The following ARMC5 variants were observed in gnomAD, a reference collection of about 807,000 sequenced individuals.
ARMC5 encodes the protein armadillo repeat containing 5.
Under a neutral mutation model 60.5 loss-of-function variants are expected in ARMC5, and 28 were observed. That is an observed-to-expected ratio of 0.46 (90% CI 0.34 to 0.63). The LOEUF is 0.63. Ranked by LOEUF, ARMC5 falls within the 30% of genes least tolerant of loss-of-function variation. The pLI, the probability that ARMC5 is intolerant of heterozygous loss-of-function variation, is 0.01. For synonymous variants in ARMC5, 680 were observed against 607.3 expected (o/e 1.12, Z -1.76); for missense variants, 1,189 against 1,304.9 (o/e 0.91, Z 1.37).
chr16:31,459,376 G>A (rs567084105), upstream of ARMC5: 1 of 1,536,394 alleles, frequency 6.5e-7, no homozygotes, highest in Non-Finnish European at 8.7e-7. Flanking sequence ...ACAGACTTCC[G>A]GGGTCGAGAA....
Position 31,466,971 on chromosome 16 carries a change from T to C in ARMC5, c.*82T>C, listed in dbSNP as rs2082366959. 1 of 1,403,090 alleles carries C rather than the reference T, an allele frequency of 7.1e-7. No homozygotes were observed. 86.9% of individuals were successfully genotyped at this position (1,403,090 alleles called of 1,614,324 possible). A position where few individuals can be genotyped will look rare whatever the true frequency, so the allele number is the denominator to read the frequency against. Reference sequence around the variant, plus strand: ...CCCTGAGACTGGCAAGGGAGGAGGCTGAGCAGAAGGAGTCATCATGGAGGA... The same window carrying C: ...CCCTGAGACTGGCAAGGGAGGAGGCCGAGCAGAAGGAGTCATCATGGAGGA... On this transcript the variant is annotated 3_prime_UTR_variant, in exon 6 of 6. Coordinates refer to ENST00000268314, the MANE Select transcript of ARMC5 (RefSeq NM_001105247.2). The surrounding 1 kb of genome is among the most constrained non-coding windows in gnomAD (Gnocchi z 8.0).
At position 31,462,911 on chromosome 16, in the gene ARMC5, G is replaced by A; in HGVS notation, c.1364G>A (p.Ser455Asn). ...CGGGCACAGGGTGGAAGCTTCCGGA[G>A]CCTCAGGTGAGTCCCTGCCTCAGGG... The part of the protein sequence containing the change: ...PERAQGGSFR[S>N]LRSWLISEGY... Residue 455 changes from serine (S) to asparagine (N), a missense_variant, in exon 3 of 6, where the codon AGC becomes AAC. Physicochemically the swap from Ser to Asn is conservative, Grantham distance 46 (BLOSUM62 1). This residue lies in a region of ARMC5 where 862 missense variants were observed against 1,071.2 expected (regional missense o/e 0.80). Transcript: ENST00000268314. The surrounding 1 kb of genome is among the most constrained non-coding windows in gnomAD (Gnocchi z 7.2). 6.3e-7 allele frequency: 1 copy of A among 1,586,920 alleles called. No individual in the cohort carries two copies. The highest frequency in any genetic ancestry group is 8.6e-7 in the Non-Finnish European group (1 of 1,166,558).
chr16:31,458,915 A>G (rs555193042), upstream of ARMC5: 2 of 1,535,658 alleles, frequency 1.3e-6, no homozygotes, highest in African/African-American at 2.7e-5. Flanking sequence ...ACCGGGGTCC[A>G]GCTCCGGAAA....
chr16:31,465,352 G>A, intron 4 of ARMC5: 2 of 1,389,738 alleles, frequency 1.4e-6, no homozygotes, highest in Non-Finnish European at 1.9e-6. Context: ...CCCTGTCCGG[G>A]CATAACAGAA....
Position 31,462,616 on chromosome 16 carries a change from C to T in ARMC5, c.1069C>T (p.Arg357Cys), listed in dbSNP as rs374639681. The change falls in exon 3 of 6, where the codon CGT becomes TGT. Residue 357 changes from arginine to cysteine, a missense_variant. Arg to Cys is a radical substitution (Grantham distance 180, BLOSUM62 -3). Around this residue, in one of 2 missense-constraint regions of ARMC5, gnomAD observed 862 missense variants for 1,071.2 expected, o/e 0.80. Transcript: ENST00000268314. The surrounding 1 kb of genome is among the most constrained non-coding windows in gnomAD (Gnocchi z 7.2). ...PLVRAVCLLC[R>C]EAINRARLRD... ...GGTGCGGGCTGTGTGCCTCCTATGTCGTGAGGCCATCAACCGGGCCCGACT... is the reference window on the plus strand; with the variant it reads ...GGTGCGGGCTGTGTGCCTCCTATGTTGTGAGGCCATCAACCGGGCCCGACT... The T allele has an allele frequency of 1.1e-4, 183 of 1,613,518 alleles. No homozygotes were observed. In the South Asian group the frequency reaches 1.6e-3, roughly 14 times the overall value.
At chr16:31,458,578 C>T, upstream of ARMC5, 4 of 1,484,942 alleles carry the variant, frequency 2.7e-6, no homozygotes, top group Non-Finnish European at 3.6e-6. Flanking sequence ...TCCACATTTC[C>T]GGCACTCGCA....
Position 31,459,846 on chromosome 16 carries a change from G to A in ARMC5, c.322G>A (p.Gly108Ser), listed in dbSNP as rs766609669. The A allele has an allele frequency of 4.6e-5, 72 of 1,580,922 alleles. 2 individuals carry two copies. The South Asian group carries it at 7.5e-4, about 17-fold the overall frequency. ...AGCTTCTAGCCCCGCCCCCGCGTCGGGCCCCGCCCCCTCCGCTGTGTCGTC... is the reference window on the plus strand; with the variant it reads ...AGCTTCTAGCCCCGCCCCCGCGTCGAGCCCCGCCCCCTCCGCTGTGTCGTC... The part of the protein sequence containing the change: ...SGASSPAPAS[G>S]PAPSAVSSSS... The change falls in exon 1 of 6, where the codon GGC (glycine) becomes AGC (serine). Residue 108 changes from glycine to serine, a missense_variant. This residue lies in a region of ARMC5 where 327 missense variants were observed against 233.7 expected (regional missense o/e 1.40). Coordinates refer to ENST00000268314, the MANE Select transcript of ARMC5 (RefSeq NM_001105247.2).
At position 31,462,930 on chromosome 16, in the gene ARMC5, C is replaced by T. The variant is rs765221757; in HGVS notation, c.1370+13C>T. 1.9e-6 allele frequency: 3 copies of T among 1,554,464 alleles called. No homozygotes were observed. The highest frequency in any genetic ancestry group is 2.6e-6 in the Non-Finnish European group (3 of 1,150,536). ...TCCGGAGCCTCAGGTGAGTCCCTGC[C>T]TCAGGGCTTGGGAGGGTGAGCAGTG... is the stretch of plus-strand genomic sequence containing the variant. On this transcript the variant is annotated intron_variant, in intron 3 of 5. Transcript: ENST00000268314. The surrounding 1 kb of genome is among the most constrained non-coding windows in gnomAD (Gnocchi z 7.2).
At chr16:31,465,412 C>T (rs1178361300) in intron 4 of ARMC5, 2 of 1,170,282 alleles carry the variant, frequency 1.7e-6, no homozygotes, top group Admixed American at 6.7e-5. Flanking sequence ...CCCTCAGCTC[C>T]TATCTCTGTA....
chr16:31,464,179 A>C lies in ARMC5; in HGVS notation c.1371-215A>C, dbSNP rs968830794. On this transcript the variant is annotated intron_variant, in intron 3 of 5. Coordinates refer to ENST00000268314, the MANE Select transcript of ARMC5 (RefSeq NM_001105247.2). The surrounding 1 kb of genome is among the most constrained non-coding windows in gnomAD (Gnocchi z 7.6). ...GGTGCACACAGCTGTAGTGCCAGCT[A>C]CTTGGGAGGCTGAGGTGGGAGGATC... Among the ~76,000 whole-genome samples, 10 of 151,416 alleles carry C rather than the reference A, an allele frequency of 6.6e-5. No homozygotes were observed. The highest frequency in any genetic ancestry group is 1.2e-4 in the Non-Finnish European group (8 of 67,932).
intron 4 of ARMC5, chr16:31,465,402 C>T (rs1010534502): frequency 4.2e-6 from 5 of 1,198,936 alleles, no homozygotes; most frequent in South Asian, 2.1e-5. Context: ...TCACTATGTC[C>T]CCTCAGCTCC....
Position 31,466,306 on chromosome 16 carries a change from CA to C in ARMC5, c.2226del (p.Ala743ProfsTer174). On this transcript the variant is annotated frameshift_variant, in exon 6 of 6. Transcript: ENST00000268314. LOFTEE classifies it high-confidence loss of function. The surrounding 1 kb of genome is among the most constrained non-coding windows in gnomAD (Gnocchi z 8.0). ...SPCLYEPLLGPAPVPAPDLHF... is the reference protein window; with the variant it reads ...SPCLYEPLLGXAPVPAPDLHF... ...TGCCTCTATGAACCTCTGCTGGGCC[CA>C]GCCCCTGTCCCAGCTCCCGACCTGC... The C allele has an allele frequency of 6.2e-7, 1 of 1,613,846 alleles. No individual in the cohort carries two copies. Among genetic ancestry groups the C allele is most frequent in the Non-Finnish European group, 8.5e-7 (1 of 1,179,890 alleles).
chr16:31,459,025 G>C, upstream of ARMC5: 1 of 1,530,548 alleles, frequency 6.5e-7, no homozygotes, highest in East Asian at 2.4e-5. Context: ...CTCCCCGTCT[G>C]CGGCGCGGTC....
chr16:31,460,336 T>TAGCA (rs2082294120), intron 1 of ARMC5: 2 of 288,490 alleles, frequency 6.9e-6, no homozygotes, highest in African/African-American at 4.6e-5. Context: ...AGACATTCAG[T>TAGCA]GCCCAACTAT....
rs751121602 is a variant in ARMC5, at chr16:31,465,042, C to T, written c.1864+155C>T. 1.7e-5 allele frequency: 28 copies of T among 1,613,386 alleles called. No homozygotes were observed. Among genetic ancestry groups the T allele is most frequent in the Middle Eastern group, 1.6e-4 (1 of 6,082 alleles). ...CACCAGAGTGGGGTGGGGAGCAGGGCGTTCCAGTCCCTCCATGGGCCCACA... is the reference window on the plus strand; with the variant it reads ...CACCAGAGTGGGGTGGGGAGCAGGGTGTTCCAGTCCCTCCATGGGCCCACA... On this transcript the variant is annotated intron_variant, in intron 4 of 5. Transcript: ENST00000268314.
Position 31,459,812 on chromosome 16 carries a change from C to T in ARMC5, c.288C>T (p.Ala96=), listed in dbSNP as rs562540127. The part of the protein sequence containing the change: ...QAGPGSAPSS[A]ASGASSPAPA... ...GCCCCGGCTCCGCCCCCTCGTCGGC[C>T]GCGTCGGGAGCTTCTAGCCCCGCCC... is the stretch of plus-strand genomic sequence containing the variant. Residue 96 remains alanine (A), a synonymous_variant, in exon 1 of 6, where the codon GCC becomes GCT. Coordinates refer to ENST00000268314, the MANE Select transcript of ARMC5 (RefSeq NM_001105247.2). 12 of 1,543,848 alleles carry T rather than the reference C, an allele frequency of 7.8e-6. No individual in the cohort carries two copies. The highest frequency in any genetic ancestry group is 1.9e-5 in the Admixed American group (1 of 51,402).
At position 31,459,817 on chromosome 16, in the gene ARMC5, C is replaced by T. The variant is rs2082285855; in HGVS notation, c.293C>T (p.Ser98Leu). The T allele has an allele frequency of 6.5e-7, 1 of 1,548,684 alleles. No individual in the cohort carries two copies. Among genetic ancestry groups the T allele is most frequent in the Non-Finnish European group, 8.7e-7 (1 of 1,153,856 alleles). Residue 98 changes from serine (S) to leucine (L), a missense_variant, in exon 1 of 6, where the codon TCG becomes TTG. Ser to Leu is a moderately radical substitution (Grantham distance 145). This residue lies in a region of ARMC5 where 327 missense variants were observed against 233.7 expected (regional missense o/e 1.40). Transcript: ENST00000268314. ...GGCTCCGCCCCCTCGTCGGCCGCGTCGGGAGCTTCTAGCCCCGCCCCCGCG... is the reference window on the plus strand; with the variant it reads ...GGCTCCGCCCCCTCGTCGGCCGCGTTGGGAGCTTCTAGCCCCGCCCCCGCG... ...GPGSAPSSAA[S>L]GASSPAPASG...
Position 31,461,906 on chromosome 16 carries a change from C to G in ARMC5, c.476-16C>G, listed in dbSNP as rs766359589. The G allele has an allele frequency of 1.2e-6, 2 of 1,611,416 alleles. No individual in the cohort carries two copies. Among genetic ancestry groups the G allele is most frequent in the Non-Finnish European group, 1.7e-6 (2 of 1,177,510 alleles). The stretch of plus-strand genomic sequence containing the variant: ...GTAAGGGGTAGAACCCTCACAAGCC[C>G]AAACTGTCGTTGCAGTGACCATTCT... On this transcript the variant is annotated splice_polypyrimidine_tract_variant and intron_variant, in intron 1 of 5. Transcript: ENST00000268314.
rs768581053 is a variant in ARMC5, at chr16:31,466,542, C to T, written c.2461C>T (p.Pro821Ser). The T allele has an allele frequency of 1.2e-6, 2 of 1,607,798 alleles. No homozygotes were observed. Among genetic ancestry groups the T allele is most frequent in the Admixed American group, 1.7e-5 (1 of 59,884 alleles). ...GTGTGGGGCTGCCCTGGGGCCCGTG[C>T]CCCCACCAGGCCAGCCCCTGCTGGG... Reference protein sequence around the residue: ...RGCGAALGPVPPPGQPLLGSE... With the variant: ...RGCGAALGPVSPPGQPLLGSE... The change falls in exon 6 of 6, where the codon CCC (proline) becomes TCC (serine). Residue 821 changes from proline (P) to serine (S), a missense_variant. Pro to Ser is a moderately conservative substitution (Grantham distance 74). Transcript: ENST00000268314. This position sits in a 1 kb window ranked among gnomAD's most constrained non-coding sequence, Gnocchi z 8.0.
Sources: gnomAD v4.1 joint callset for allele counts (sites outside exome capture counted in the v4.1 genomes callset) on GRCh38, gnomAD v4.1.1 for gene constraint, gnomAD v4.1.1 regional missense constraint, Gnocchi (gnomAD v3.1) non-coding constraint, MANE v1.5 for transcripts, NCBI Gene and HGNC (gene_info 2026-07-23, HGNC 2026-07-21) for gene names.